Variants in PRKCZ observed in about 807,000 individuals in gnomAD.
PRKCZ encodes protein kinase C zeta.
A neutral mutation model predicts 79.5 loss-of-function variants in PRKCZ; 33 were observed. That is an observed-to-expected ratio of 0.41 (90% CI 0.31 to 0.55). PRKCZ has a LOEUF of 0.55. Ranked by LOEUF, PRKCZ falls within the 20% of genes least tolerant of loss-of-function variation. PRKCZ has a pLI of 0.19. For missense variants in PRKCZ, 578 were observed against 813.5 expected (o/e 0.71, Z 3.52); for synonymous variants, 342 against 320.9 (o/e 1.07, Z -0.70).
chr1:2,059,593 T>G lies in PRKCZ; in HGVS notation c.334+2T>G. 6.2e-7 allele frequency: 1 copy of G among 1,614,084 alleles called. No homozygotes were observed. Among genetic ancestry groups the G allele is most frequent in the South Asian group, 1.1e-5 (1 of 91,078 alleles). ...GCCTGCCATGTCCGGGAGAAGACAGTGAGTACTGGGGTTTCCTACGCCGGT... is the reference window on the plus strand; with the variant it reads ...GCCTGCCATGTCCGGGAGAAGACAGGGAGTACTGGGGTTTCCTACGCCGGT... On this transcript the variant is annotated splice_donor_variant, in intron 4 of 17. Transcript: ENST00000378567. LOFTEE classifies it high-confidence loss of function.
rs756136190 is a variant in PRKCZ at position 2,168,048 on chromosome 1, A to G, written c.975-1470A>G. ...ACTGAACGAGTCCCTCCACGGGTGC[A>G]CTGAGGACGTTCCTGCACATCGAGG... On this transcript the variant is annotated intron_variant, in intron 10 of 17. Transcript: ENST00000378567. This position sits in a 1 kb window ranked among gnomAD's most constrained non-coding sequence, Gnocchi z 4.7. 1.3e-5 allele frequency among the ~76,000 whole-genome samples: 2 copies of G among 152,172 alleles called. No homozygotes were observed. The highest frequency in any genetic ancestry group is 2.4e-5 in the African/African-American group (1 of 41,424).
At chr1:2,061,724 T>C (rs1660694511) in intron 4 of PRKCZ, among the ~76,000 whole-genome samples, 1 of 152,174 alleles carries the variant, frequency 6.6e-6, no homozygotes, top group Non-Finnish European at 1.5e-5. Flanking sequence ...GGGTTGGGTT[T>C]CATGGCGCTA....
At chr1:2,140,519 T>C (rs539014033) in intron 5 of PRKCZ, among the ~76,000 whole-genome samples, 1 of 151,282 alleles carries the variant, frequency 6.6e-6, no homozygotes, top group Admixed American at 6.6e-5. Flanking sequence ...TAGCCAGGCG[T>C]GGTGGTGGGT....
Position 2,129,642 on chromosome 1 carries a change from A to AG in PRKCZ, c.335-5613dup, listed in dbSNP as rs148019107. ...AGATGAGAGCTGTGGGGAGCCAGGC[A>AG]GGGGGGGTCTCTGGGAACTCTCCAA... On this transcript the variant is annotated intron_variant, in intron 4 of 17. Transcript: ENST00000378567. Among the ~76,000 whole-genome samples, 520 of 152,234 alleles carry AG rather than the reference A, an allele frequency of 3.4e-3. 13 individuals are homozygous for AG. In the East Asian group the frequency reaches 0.068, roughly 20 times the overall value.
At chr1:2,154,712 G>A (rs1014777411) in intron 9 of PRKCZ, among the ~76,000 whole-genome samples, 5 of 152,278 alleles carry the variant, frequency 3.3e-5, no homozygotes, top group Middle Eastern at 3.4e-3. Flanking sequence ...TTCTAACCCC[G>A]AAGACAAGGG....
chr1:2,070,730 C>T (rs1661497847), intron 4 of PRKCZ, among the ~76,000 whole-genome samples: 1 of 147,272 alleles, frequency 6.8e-6, no homozygotes, highest in African/African-American at 2.5e-5. Context: ...ACAGTGGGGG[C>T]CAGGGTGGGG....
chr1:2,155,866 T>C, intron 9 of PRKCZ, 129 bp from the exon 10 acceptor site: 1 of 790,084 alleles, frequency 1.3e-6, no homozygotes. Flanking sequence ...TAATGGGTGT[T>C]TTCTTTTCCT....
chr1:2,077,407 C>T (rs1309719066), intron 4 of PRKCZ, among the ~76,000 whole-genome samples: 3 of 152,196 alleles, frequency 2.0e-5, no homozygotes, highest in South Asian at 2.1e-4. Flanking sequence ...TCAGCCGCAT[C>T]GTGGGCCCAG....
At chr1:2,104,085 C>A (rs755994254) in intron 4 of PRKCZ, among the ~76,000 whole-genome samples, 13 of 151,976 alleles carry the variant, frequency 8.6e-5, no homozygotes, top group Non-Finnish European at 1.8e-4. Flanking sequence ...GGGGGTCTTC[C>A]AGGATGGTCC....
chr1:2,133,170 G>A (rs1203688059), intron 4 of PRKCZ, among the ~76,000 whole-genome samples: 3 of 152,208 alleles, frequency 2.0e-5, no homozygotes, highest in Non-Finnish European at 4.4e-5. Context: ...GGCGCACTGG[G>A]GGTGGGTCCT....
At chr1:2,063,845 CTTTTT>C (rs551194608) in intron 4 of PRKCZ, among the ~76,000 whole-genome samples, 1 of 124,500 alleles carries the variant, frequency 8.0e-6, no homozygotes, top group Admixed American at 8.1e-5. Flanking sequence ...TTGGCCATTT[CTTTTT>C]TTTTTTTTTT....
chr1:2,124,747 C>G (rs1257226507), intron 4 of PRKCZ, among the ~76,000 whole-genome samples: 1 of 152,082 alleles, frequency 6.6e-6, no homozygotes, highest in Admixed American at 6.5e-5. Flanking sequence ...AGATGCCTGG[C>G]CCGGCTTTCT....
intron 16 of PRKCZ, among the ~76,000 whole-genome samples, chr1:2,181,360 G>A (rs1275673767): frequency 2.6e-5 from 4 of 152,222 alleles, no homozygotes; most frequent in Admixed American, 6.5e-5. Context: ...CCATTGACAC[G>A]GAACGGGCCC....
intron 4 of PRKCZ, among the ~76,000 whole-genome samples, chr1:2,080,100 A>G (rs1017426259): frequency 2.0e-5 from 3 of 152,182 alleles, no homozygotes; most frequent in African/African-American, 7.2e-5. Context: ...CCTGGTGGCC[A>G]CGGGGCCCTC....
intron 9 of PRKCZ, among the ~76,000 whole-genome samples, chr1:2,154,644 G>A (rs567629711): frequency 5.6e-4 from 85 of 152,312 alleles, no homozygotes; most frequent in African/African-American, 1.9e-3. Context: ...GCTGCAGTGA[G>A]CAGTAATCGC....
At chr1:2,106,463 CCCTCCAGTGGGCGAGGA>C (rs1374621617) in intron 4 of PRKCZ, among the ~76,000 whole-genome samples, 2 of 149,074 alleles carry the variant, frequency 1.3e-5, no homozygotes, top group African/African-American at 5.0e-5. Flanking sequence ...CTCAGCAAGC[CCCTCCAGTGGGCGAGGA>C]CCTCCACACG....
In PRKCZ at chr1:2,184,967, G is replaced by A. The variant is rs764637036; in HGVS notation, c.1737G>A (p.Glu579=). 2 of 1,613,874 alleles carry A rather than the reference G, an allele frequency of 1.2e-6. No individual in the cohort carries two copies. Among genetic ancestry groups the A allele is most frequent in the African/African-American group, 1.3e-5 (1 of 74,946 alleles). Residue 579 remains glutamate (E), a synonymous_variant, in exon 18 of 18, where the codon GAG becomes GAA. Coordinates refer to ENST00000378567, the MANE Select transcript of PRKCZ (RefSeq NM_002744.6). ...RIDQSEFEGF[E]YINPLLLSTE... ...ACCAGTCAGAGTTCGAAGGCTTTGAGTATATCAACCCATTATTGCTGTCCA... is the reference window on the plus strand; with the variant it reads ...ACCAGTCAGAGTTCGAAGGCTTTGAATATATCAACCCATTATTGCTGTCCA...
chr1:2,073,800 G>A (rs914413126), intron 4 of PRKCZ: 30 of 1,029,432 alleles, frequency 2.9e-5, no homozygotes, highest in Non-Finnish European at 3.4e-5. Flanking sequence ...GAGCCTCCCT[G>A]CCTATTGTCG....
intron 4 of PRKCZ, among the ~76,000 whole-genome samples, chr1:2,084,477 G>A (rs930043215): frequency 1.3e-5 from 2 of 152,182 alleles, no homozygotes; most frequent in Admixed American, 1.3e-4. Context: ...AGTTCCCGCC[G>A]CTTCACCATA....
Sources: allele counts gnomAD v4.1 joint callset (sites outside exome capture counted in the v4.1 genomes callset), GRCh38; gene constraint gnomAD v4.1.1; non-coding constraint Gnocchi (gnomAD v3.1); transcripts MANE v1.5; gene names NCBI Gene and HGNC (gene_info 2026-07-23, HGNC 2026-07-21).